Variants in MAP1LC3B observed in about 807,000 individuals in gnomAD.
MAP1LC3B encodes microtubule-associated protein 1 light chain 3 beta.
MAP1LC3B carries 12 observed loss-of-function variants against 16.7 expected under a neutral mutation model. The observed-to-expected ratio is 0.72, with a 90% CI of 0.46 to 1.16. The LOEUF (loss-of-function observed/expected upper bound fraction) is 1.16, where lower values mean the gene tolerates loss of function less well. MAP1LC3B is among the 50% of genes most tolerant of loss of function. The pLI, the probability that MAP1LC3B is intolerant of heterozygous loss-of-function variation, is 0.00. For missense variants in MAP1LC3B, 155 were observed against 159.5 expected, an observed-to-expected ratio of 0.97 and a Z score of 0.15; for synonymous variants, 63 against 56.5, an observed-to-expected ratio of 1.11 and a Z score of -0.51.
intron 1 of MAP1LC3B, among the ~76,000 whole-genome samples, chr16:87,393,642 C>A (rs541796896): frequency 1.2e-4 from 18 of 152,132 alleles, no homozygotes; most frequent in Non-Finnish European, 1.2e-4. Flanking sequence ...CTTACACGTG[C>A]CTTTTTTGTT....
rs1908058807 is a variant in MAP1LC3B, at chr16:87,403,167, A to G, written c.*70A>G. 1 of 1,534,276 alleles carries G rather than the reference A, an allele frequency of 6.5e-7. No individual in the cohort carries two copies. The highest frequency in any genetic ancestry group is 8.8e-7 in the Non-Finnish European group (1 of 1,137,556). ...CAAGGAAAAAAAAGGGATGTTACCA[A>G]CTGAGATCGATCAGTTCATCCAATC... On this transcript the variant is annotated 3_prime_UTR_variant, in exon 4 of 4. Transcript: ENST00000268607.
At chr16:87,402,431 A>G (rs969680994) in intron 3 of MAP1LC3B, 150 bp downstream of exon 3, 6 of 738,972 alleles carry the variant, frequency 8.1e-6, no homozygotes, top group African/African-American at 5.4e-5. Context: ...GATTAAAACA[A>G]TTTCAACTTA....
Position 87,404,028 on chromosome 16 carries a change from T to C in MAP1LC3B, c.*931T>C, listed in dbSNP as rs767055947. 6.6e-6 allele frequency: 1 copy of C among 152,188 alleles called. No individual in the cohort carries two copies. The highest frequency in any genetic ancestry group is 2.4e-5 in the African/African-American group (1 of 41,444). 9.4% of individuals were successfully genotyped at this position (152,188 alleles called of 1,614,324 possible). A position where few individuals can be genotyped will look rare whatever the true frequency, so the allele number is the denominator to read the frequency against. ...TTAAAGCTGTGGATGATCCACGTTT[T>C]TGTTTTTTTAATGTTAAATGTGTAA... On this transcript the variant is annotated 3_prime_UTR_variant, in exon 4 of 4. Coordinates refer to ENST00000268607, the MANE Select transcript of MAP1LC3B (RefSeq NM_022818.5).
chr16:87,395,671 T>C (rs1390590840), intron 1 of MAP1LC3B, among the ~76,000 whole-genome samples: 2 of 152,156 alleles, frequency 1.3e-5, no homozygotes, highest in African/African-American at 4.8e-5. Flanking sequence ...CTATGGGACT[T>C]GGGTGTTATT....
At chr16:87,400,499 C>A (rs1488038887) in intron 2 of MAP1LC3B, among the ~76,000 whole-genome samples, 3 of 151,984 alleles carry the variant, frequency 2.0e-5, no homozygotes, top group East Asian at 1.9e-4. Flanking sequence ...GTATTTTTAA[C>A]CTCATTTAAA....
Position 87,403,039 on chromosome 16 carries a change from G to C in MAP1LC3B, c.320G>C (p.Gly107Ala). The C allele has an allele frequency of 1.2e-6, 2 of 1,614,146 alleles. No homozygotes were observed. Among genetic ancestry groups the C allele is most frequent in the African/African-American group, 1.3e-5 (1 of 75,026 alleles). Residue 107 changes from glycine (G) to alanine (A), a missense_variant, in exon 4 of 4, where the codon GGA becomes GCA. Physicochemically the swap from Gly to Ala is moderately conservative, Grantham distance 60. Transcript: ENST00000268607. Reference sequence around the variant, plus strand: ...TATGAGAGTGAGAAAGATGAAGATGGATTCCTGTACATGGTCTATGCCTCC... The same window carrying C: ...TATGAGAGTGAGAAAGATGAAGATGCATTCCTGTACATGGTCTATGCCTCC... ...EVYESEKDED[G>A]FLYMVYASQE...
In MAP1LC3B at chr16:87,392,477, G is replaced by T. The variant is rs1332476249; in HGVS notation, c.40+10G>T. The T allele has an allele frequency of 7.6e-7, 1 of 1,315,468 alleles. No individual in the cohort carries two copies. Among genetic ancestry groups the T allele is most frequent in the African/African-American group, 1.5e-5 (1 of 64,808 alleles). 81.5% of individuals were successfully genotyped at this position (1,315,468 alleles called of 1,614,324 possible). A position where few individuals can be genotyped will look rare whatever the true frequency, so the allele number is the denominator to read the frequency against. Reference sequence around the variant, plus strand: ...CAGCGCCGCACCTTCGGTGAGTGTCGCCGCGAGGGCGGCGGGTGCGGCGGG... The same window carrying T: ...CAGCGCCGCACCTTCGGTGAGTGTCTCCGCGAGGGCGGCGGGTGCGGCGGG... On this transcript the variant is annotated intron_variant, in intron 1 of 3. Transcript: ENST00000268607.
Position 87,392,466 on chromosome 16 carries a change from C to G in MAP1LC3B, c.39C>G (p.Phe13Leu), listed in dbSNP as rs947434234. The change falls in exon 1 of 4, where the codon TTC becomes TTG. Residue 13 changes from phenylalanine to leucine, a missense_variant and splice_region_variant. Physicochemically the swap from Phe to Leu is conservative, Grantham distance 22 (BLOSUM62 0). Transcript: ENST00000268607. ...SEKTFKQRRT[F>L]EQRVEDVRLI... is the part of the protein sequence containing the mutation. ...AGACCTTCAAGCAGCGCCGCACCTTCGGTGAGTGTCGCCGCGAGGGCGGCG... is the reference window on the plus strand; with the variant it reads ...AGACCTTCAAGCAGCGCCGCACCTTGGGTGAGTGTCGCCGCGAGGGCGGCG... 3.0e-6 allele frequency: 4 copies of G among 1,337,984 alleles called. No homozygotes were observed. The African/African-American group carries it at 6.2e-5, about 21-fold the overall frequency. The allele number at this position is 1,337,984 out of a possible 1,614,324, so 82.9% of individuals were successfully genotyped here.
chr16:87,399,187 T>C (rs1350898458), intron 2 of MAP1LC3B: 3 of 324,024 alleles, frequency 9.3e-6, no homozygotes, highest in Non-Finnish European at 1.8e-5. Context: ...TTTAAGTTTT[T>C]TGTAGAGACA....
rs575065713 is a variant in MAP1LC3B at position 87,402,844 on chromosome 16, G to C, written c.204-79G>C. The C allele has an allele frequency of 4.6e-6, 7 of 1,533,916 alleles. No individual in the cohort carries two copies. In the African/African-American group the frequency reaches 6.8e-5, roughly 15 times the overall value. ...GAACATTTTTATATTTTACCGATCA[G>C]AGTGGGTGATATTTTAACACATGCT... On this transcript the variant is annotated intron_variant, in intron 3 of 3. Coordinates refer to ENST00000268607, the MANE Select transcript of MAP1LC3B (RefSeq NM_022818.5).
intron 2 of MAP1LC3B, chr16:87,399,760 A>G (rs184719652): frequency 7.9e-5 from 26 of 330,142 alleles, no homozygotes; most frequent in African/African-American, 1.3e-4. Flanking sequence ...TGAGGAGCCA[A>G]TGGATTATTT....
At chr16:87,397,421 A>G (rs1356773936) in intron 1 of MAP1LC3B, among the ~76,000 whole-genome samples, 1 of 152,074 alleles carries the variant, frequency 6.6e-6, no homozygotes, top group Non-Finnish European at 1.5e-5. Context: ...GATGGAGACC[A>G]TCCTGGTTAA....
At chr16:87,402,068 C>A in intron 2 of MAP1LC3B, 107 bp from the exon 3 acceptor site, 2 of 1,000,978 alleles carry the variant, frequency 2.0e-6, no homozygotes, top group Non-Finnish European at 1.5e-6. Flanking sequence ...GTCTCCTGAC[C>A]TCGTGATGTG....
At chr16:87,399,028 C>T in intron 2 of MAP1LC3B, 158 bp downstream of exon 2, 1 of 633,268 alleles carries the variant, frequency 1.6e-6, no homozygotes, top group Non-Finnish European at 2.8e-6. Flanking sequence ...TTTTAAGAGA[C>T]AGGGTCTCAC....
At chr16:87,397,859 C>T (rs1306798927) in intron 1 of MAP1LC3B, among the ~76,000 whole-genome samples, 6 of 143,906 alleles carry the variant, frequency 4.2e-5, no homozygotes, top group African/African-American at 1.3e-4. Context: ...CACATATTGC[C>T]TTTTTTTTTT....
rs750791331 is a variant in MAP1LC3B, at chr16:87,392,445, C to T, written c.18C>T (p.Thr6=). The change falls in exon 1 of 4, where the codon ACC becomes ACT. Residue 6 remains threonine, a synonymous_variant. Coordinates refer to ENST00000268607, the MANE Select transcript of MAP1LC3B (RefSeq NM_022818.5). ...CCTGCACCATGCCGTCGGAGAAGAC[C>T]TTCAAGCAGCGCCGCACCTTCGGTG... MPSEK[T]FKQRRTFEQR... 19 of 1,402,304 alleles carry T rather than the reference C, an allele frequency of 1.4e-5. No individual in the cohort carries two copies. The African/African-American group carries it at 2.6e-4, about 19-fold the overall frequency. 86.9% of individuals were successfully genotyped at this position (1,402,304 alleles called of 1,614,324 possible).
Position 87,399,764 on chromosome 16 carries a change from A to ATTAT in MAP1LC3B, c.96+917_96+920dup, listed in dbSNP as rs539921689. On this transcript the variant is annotated intron_variant, in intron 2 of 3. Transcript: ENST00000268607. ...AGGAAGCATAGTGAGGAGCCAATGG[A>ATTAT]TTATTTATTTATTTATTTATTTATT... 445 of 320,096 alleles carry ATTAT rather than the reference A, an allele frequency of 1.4e-3. 2 individuals carry two copies. The highest frequency in any genetic ancestry group is 7.3e-3 in the African/African-American group (333 of 45,498). 19.8% of individuals were successfully genotyped at this position (320,096 alleles called of 1,614,324 possible).
At position 87,401,004 on chromosome 16, in the gene MAP1LC3B, G is replaced by A. The variant is rs915414804; in HGVS notation, c.97-1171G>A. Among the ~76,000 whole-genome samples, 9 of 151,992 alleles carry A rather than the reference G, an allele frequency of 5.9e-5. No homozygotes were observed. In the East Asian group the frequency reaches 1.7e-3, roughly 29 times the overall value. The stretch of plus-strand genomic sequence containing the variant: ...AAAAATTAGCTGGGCGTGGTGGCGG[G>A]TGCCTGTAATCCCAGCTACTCAGGA... On this transcript the variant is annotated intron_variant, in intron 2 of 3. Coordinates refer to ENST00000268607, the MANE Select transcript of MAP1LC3B (RefSeq NM_022818.5).
rs565120175 is a variant in MAP1LC3B, at chr16:87,401,863, C to T, written c.97-312C>T. ...TTTTTTTTTTTTTGAGATGGAGTCT[C>T]GCTCTGTCACCCAGGCTGGAGTGCG... On this transcript the variant is annotated intron_variant, in intron 2 of 3. Coordinates refer to ENST00000268607, the MANE Select transcript of MAP1LC3B (RefSeq NM_022818.5). 6.8e-5 allele frequency among the ~76,000 whole-genome samples: 10 copies of T among 146,508 alleles called. No individual in the cohort carries two copies. The East Asian group carries it at 8.1e-4, about 12-fold the overall frequency.
Sources: gnomAD v4.1 joint callset for allele counts (sites outside exome capture counted in the v4.1 genomes callset) on GRCh38, gnomAD v4.1.1 for gene constraint, MANE v1.5 for transcripts, NCBI Gene and HGNC (gene_info 2026-07-23, HGNC 2026-07-21) for gene names.